Variants in TMEM165 observed in about 807,000 individuals in gnomAD.
TMEM165 encodes the protein transmembrane protein 165.
A neutral mutation model predicts 30.0 loss-of-function variants in TMEM165; 19 were observed. The ratio of observed to expected loss-of-function variants is 0.63; its 90% confidence interval spans 0.44 to 0.93. The LOEUF is 0.93. TMEM165 is among the 40% of genes least tolerant of loss of function. The pLI is 0.00. For missense variants in TMEM165, 340 were observed against 417.0 expected, an observed-to-expected ratio of 0.82 and a Z score of 1.61; for synonymous variants, 168 against 162.9, an observed-to-expected ratio of 1.03 and a Z score of -0.24.
downstream of TMEM165, chr4:55,429,030 G>C (rs985187120): frequency 4.9e-4 from 69 of 139,854 alleles, no homozygotes; most frequent in African/African-American, 1.8e-3. Flanking sequence ...TTTGCTTGAA[G>C]ATGATTGTCT....
At chr4:55,422,447 G>A (rs371890279) in intron 4 of TMEM165, among the ~76,000 whole-genome samples, 2 of 152,054 alleles carry the variant, frequency 1.3e-5, no homozygotes, top group East Asian at 1.9e-4. Context: ...TAGTAAAGAT[G>A]GGGTTTCACC....
chr4:55,446,160 C>A (rs914054572), intron 3 of TMEM165, among the ~76,000 whole-genome samples: 2 of 141,032 alleles, frequency 1.4e-5, no homozygotes, highest in Admixed American at 1.5e-4. Flanking sequence ...GTGGTGTGAT[C>A]ACAGCTTATT....
chr4:55,411,919 A>T, intron 2 of TMEM165, 80 bp downstream of exon 2: 1 of 1,358,404 alleles, frequency 7.4e-7, no homozygotes, highest in Non-Finnish European at 1.0e-6. Flanking sequence ...CTGAGTCATT[A>T]ACCTAGTCTT....
intron 2 of TMEM165, 88 bp downstream of exon 2, chr4:55,411,927 C>G: frequency 1.5e-6 from 2 of 1,294,468 alleles, no homozygotes; most frequent in African/African-American, 1.5e-5. Flanking sequence ...TTAACCTAGT[C>G]TTATGGGAAT....
chr4:55,448,800 T>G (rs771094271), intron 3 of TMEM165: 63 of 1,613,800 alleles, frequency 3.9e-5, no homozygotes, highest in Middle Eastern at 1.6e-4. Context: ...CTTGTGGAAT[T>G]GGTAAATTTG....
chr4:55,402,811 A>G (rs1359820575), intron 1 of TMEM165, among the ~76,000 whole-genome samples: 1 of 14,710 alleles, frequency 6.8e-5, no homozygotes, highest in Non-Finnish European at 1.2e-4. Context: ...TTTTTTTTTG[A>G]GACGGAGTCT....
chr4:55,412,037 C>G (rs1721524423), intron 2 of TMEM165, 198 bp downstream of exon 2: 3 of 626,984 alleles, frequency 4.8e-6, no homozygotes, highest in Admixed American at 5.8e-5. Context: ...GCATAGTTGT[C>G]TGAAATTTTT....
downstream of TMEM165, among the ~76,000 whole-genome samples, chr4:55,426,658 A>G (rs920392199): frequency 2.0e-5 from 3 of 152,232 alleles, no homozygotes; most frequent in Non-Finnish European, 2.9e-5. Flanking sequence ...TGTGTGAGGT[A>G]TAATAGGAGA....
chr4:55,443,550 ACTCT>A (rs1723544419), intron 3 of TMEM165: 1 of 688,244 alleles, frequency 1.5e-6, no homozygotes, highest in African/African-American at 1.8e-5. Flanking sequence ...TTTAATAATC[ACTCT>A]CAATACTATA....
intron 1 of TMEM165, chr4:55,398,987 C>G (rs969046723): frequency 6.6e-6 from 1 of 151,306 alleles, no homozygotes; most frequent in African/African-American, 2.4e-5. Context: ...TTATCATCTG[C>G]TGGATATAAT....
Position 55,411,130 on chromosome 4 carries a change from G to A in TMEM165, c.208-484G>A, listed in dbSNP as rs999904152. 1.1e-3 allele frequency among the ~76,000 whole-genome samples: 148 copies of A among 136,480 alleles called. 2 individuals carry two copies. The highest frequency in any genetic ancestry group is 3.9e-3 in the Middle Eastern group (1 of 256). 89.5% of individuals were successfully genotyped at this position (136,480 alleles called of 152,430 possible). A position where few individuals can be genotyped will look rare whatever the true frequency, so the allele number is the denominator to read the frequency against. ...AGCCTGAGTGACAGAGTGAGATTTT[G>A]TCTCAAAAAAAAAAAAAAAAAGGGA... is the stretch of plus-strand genomic sequence containing the variant. On this transcript the variant is annotated intron_variant, in intron 1 of 5. Transcript: ENST00000381334.
chr4:55,453,107 T>G (rs1724613734), exon 4 of TMEM165: 1 of 1,613,116 alleles, frequency 6.2e-7, no homozygotes, highest in Non-Finnish European at 8.5e-7. Flanking sequence ...TCTCGTCGTC[T>G]TTCAGCCCTA....
chr4:55,422,996 G>T (rs1722046648), intron 4 of TMEM165: 1 of 152,136 alleles, frequency 6.6e-6, no homozygotes, highest in South Asian at 2.1e-4. Context: ...GGAATTTGTA[G>T]CATAGTAGTG....
chr4:55,413,670 C>A (rs1353331187), intron 2 of TMEM165, among the ~76,000 whole-genome samples: 3 of 152,164 alleles, frequency 2.0e-5, no homozygotes, highest in African/African-American at 7.2e-5. Context: ...TTTAAGTTTA[C>A]AAAGCAGCAA....
chr4:55,429,460 T>C (rs34427230), downstream of TMEM165: 1 of 152,202 alleles, frequency 6.6e-6, no homozygotes. Context: ...TACTGGGCAG[T>C]GCTGTGTATG....
At chr4:55,417,556 A>G (rs942573060) in intron 3 of TMEM165, 1 of 546,766 alleles carries the variant, frequency 1.8e-6, no homozygotes, top group Non-Finnish European at 3.2e-6. Flanking sequence ...GGTGTCTAGG[A>G]TAGTAAGTGA....
chr4:55,408,637 T>C (rs1246867179), intron 1 of TMEM165, among the ~76,000 whole-genome samples: 1 of 152,194 alleles, frequency 6.6e-6, no homozygotes, highest in African/African-American at 2.4e-5. Context: ...TAAAGCAAAT[T>C]TTATTTTATC....
chr4:55,402,540 G>A (rs1163807268), intron 1 of TMEM165, among the ~76,000 whole-genome samples: 3 of 128,940 alleles, frequency 2.3e-5, no homozygotes, highest in African/African-American at 3.2e-5. Flanking sequence ...CTCTGTCTCC[G>A]GGGTTCATGC....
rs1427140102 is a variant in TMEM165 at position 55,395,977 on chromosome 4, C to CGCG, written c.-212_-211insCGG. ...TGGCTGACTCCAGTTTAGCCGCCGCCGGAGAGGACGGGCGCCGAGCCGGGG... is the reference window on the plus strand; with the variant it reads ...TGGCTGACTCCAGTTTAGCCGCCGCCGCGGGAGAGGACGGGCGCCGAGCCGGGG... On this transcript the variant is annotated 5_prime_UTR_variant, in exon 1 of 6. Transcript: ENST00000381334. 2 of 383,246 alleles carry CGCG rather than the reference C, an allele frequency of 5.2e-6. No individual in the cohort carries two copies. The highest frequency in any genetic ancestry group is 9.4e-5 in the Admixed American group (2 of 21,198). 23.7% of individuals were successfully genotyped at this position (383,246 alleles called of 1,614,324 possible).
Sources: allele counts gnomAD v4.1 joint callset (sites outside exome capture counted in the v4.1 genomes callset), GRCh38; gene constraint gnomAD v4.1.1; transcripts MANE v1.5; gene names NCBI Gene and HGNC (gene_info 2026-07-23, HGNC 2026-07-21).